Variants in POLD1 observed in about 807,000 individuals in gnomAD.
POLD1 encodes the protein DNA polymerase delta 1, catalytic subunit.
Under a neutral mutation model 129.7 loss-of-function variants are expected in POLD1, and 79 were observed. The observed-to-expected ratio is 0.61, with a 90% CI of 0.51 to 0.73. The LOEUF is 0.73. POLD1 is among the 30% of genes least tolerant of loss of function. POLD1 has a pLI of 0.00. For synonymous variants in POLD1, 714 were observed against 683.3 expected (o/e 1.04, Z -0.70); for missense variants, 1,338 against 1,595.8 (o/e 0.84, Z 2.75).
At chr19:50,391,799 G>C (rs976686066) in intron 1 of POLD1, among the ~76,000 whole-genome samples, 1 of 151,952 alleles carries the variant, frequency 6.6e-6, no homozygotes, top group Non-Finnish European at 1.5e-5. Context: ...TGCAACCTCC[G>C]CCTCCCAGGT....
At chr19:50,391,807 GGTTCAA>G (rs1273881636) in intron 1 of POLD1, among the ~76,000 whole-genome samples, 1 of 152,138 alleles carries the variant, frequency 6.6e-6, no homozygotes, top group Admixed American at 6.6e-5. Context: ...CCGCCTCCCA[GGTTCAA>G]GCGATTCTCC....
chr19:50,414,671 G>A (rs1299516020), intron 19 of POLD1, 144 bp from the exon 20 acceptor site: 8 of 584,160 alleles, frequency 1.4e-5, no homozygotes, highest in Admixed American at 1.1e-4. Context: ...ACAGTGTCTC[G>A]GTCCATCCCA....
At chr19:50,394,183 A>G (rs1705280256) in intron 1 of POLD1, 1 of 152,086 alleles carries the variant, frequency 6.6e-6, no homozygotes, top group African/African-American at 2.4e-5. Flanking sequence ...TGTGACGGGG[A>G]AGAGGGTGGG....
chr19:50,401,385 ATATATATTTTT>A (rs1250813096), intron 3 of POLD1, among the ~76,000 whole-genome samples: 6 of 58,284 alleles, frequency 1.0e-4, no homozygotes, highest in African/African-American at 4.0e-4. Flanking sequence ...ATATATATAT[ATATATATTTTT>A]TTTTTTTTTT....
intron 3 of POLD1, 64 bp downstream of exon 3, chr19:50,399,548 G>A: frequency 7.9e-7 from 1 of 1,268,542 alleles, no homozygotes; most frequent in South Asian, 1.2e-5. Flanking sequence ...GCCGGGCCAG[G>A]TCAGCCCCTC....
In POLD1 at chr19:50,402,227, C is replaced by T. The variant is rs147881471; in HGVS notation, c.612C>T (p.His204=). 246 of 1,586,964 alleles carry T rather than the reference C, an allele frequency of 1.6e-4. No homozygotes were observed. In the African/African-American group the frequency reaches 2.4e-3, roughly 15 times the overall value. ...CAGGCATGTTTGGGTACCACGGGCA[C>T]GGCCCCTCCCCGTTCCTGCGCATCA... The part of the protein sequence containing the change: ...SRESMFGYHG[H]GPSPFLRITV... The change falls in exon 6 of 27, where the codon CAC becomes CAT. Residue 204 remains histidine, a synonymous_variant. Coordinates refer to ENST00000440232, the MANE Select transcript of POLD1 (RefSeq NM_002691.4).
intron 20 of POLD1, 32 bp from the exon 21 acceptor site, chr19:50,415,406 T>C (rs371031806): frequency 5.6e-6 from 9 of 1,595,292 alleles, no homozygotes; most frequent in Non-Finnish European, 7.7e-6. Context: ...TCAGTGCCTT[T>C]TGGTGACGCT....
chr19:50,387,173 A>G (rs2123705810), intron 1 of POLD1, among the ~76,000 whole-genome samples: 1 of 152,172 alleles, frequency 6.6e-6, no homozygotes, highest in African/African-American at 2.4e-5. Context: ...ATACACAACT[A>G]GCTGGACATG....
chr19:50,401,383 ATATATATATT>A (rs1366715254), intron 3 of POLD1, among the ~76,000 whole-genome samples: 2 of 58,134 alleles, frequency 3.4e-5, no homozygotes, highest in East Asian at 6.4e-4. Flanking sequence ...ATATATATAT[ATATATATATT>A]TTTTTTTTTT....
chr19:50,408,642 C>A (rs2038983301), intron 14 of POLD1, 143 bp from the exon 15 acceptor site: 3 of 1,277,310 alleles, frequency 2.3e-6, no homozygotes, highest in Non-Finnish European at 3.2e-6. Context: ...CTCAGCCTCC[C>A]AATGTGCTGG....
rs746579020 is a variant in POLD1, at chr19:50,414,988, C to T, written c.2562C>T (p.Asp854=). Residue 854 remains aspartate, a splice_region_variant and synonymous_variant, in exon 20 of 27, where the codon GAC becomes GAT. Transcript: ENST00000440232. ...CCTCACTGCGCCGCCTGCTCATCGA[C>T]CGGTGTGTGGGGCCTCCTCCCTCAG... ...VTASLRRLLI[D]RDPEGAVAHA... is the part of the protein sequence containing the mutation. 6.4e-6 allele frequency: 10 copies of T among 1,574,716 alleles called. No individual in the cohort carries two copies. Among genetic ancestry groups the T allele is most frequent in the Non-Finnish European group, 7.8e-6 (9 of 1,159,692 alleles).
In POLD1 at chr19:50,406,083, G is replaced by A. The variant is rs2122312203; in HGVS notation, c.1243-99G>A. On this transcript the variant is annotated intron_variant, in intron 10 of 26. Transcript: ENST00000440232. The surrounding 1 kb of genome is among the most constrained non-coding windows in gnomAD (Gnocchi z 5.5). ...CCCAGGGTTGCTCTCGACCCCCTAG[G>A]GTTGTTATAAGGATGTTGTGGTTGG... The A allele has an allele frequency of 6.9e-7, 1 of 1,452,924 alleles. No individual in the cohort carries two copies. The highest frequency in any genetic ancestry group is 9.4e-7 in the Non-Finnish European group (1 of 1,059,984). The allele number at this position is 1,452,924 out of a possible 1,614,324, so 90.0% of individuals were successfully genotyped here.
At chr19:50,407,993 G>T (rs968830647) in intron 14 of POLD1, among the ~76,000 whole-genome samples, 12 of 151,816 alleles carry the variant, frequency 7.9e-5, no homozygotes, top group African/African-American at 2.9e-4. Context: ...CGATGATTGC[G>T]CCACTGCCCT....
rs1157338252 is a variant in POLD1, at chr19:50,417,830, C to A, written c.3219-12C>A. 6.4e-7 allele frequency: 1 copy of A among 1,566,034 alleles called. No homozygotes were observed. Among genetic ancestry groups the A allele is most frequent in the Non-Finnish European group, 8.7e-7 (1 of 1,148,496 alleles). ...TGGCTGGTCCTGACCCTGCCCCTGCCCCCACCCGCAGCCGGGACTGCCCCA... is the reference window on the plus strand; with the variant it reads ...TGGCTGGTCCTGACCCTGCCCCTGCACCCACCCGCAGCCGGGACTGCCCCA... On this transcript the variant is annotated splice_polypyrimidine_tract_variant and intron_variant, in intron 26 of 26. Transcript: ENST00000440232.
In POLD1 at chr19:50,409,470, C is replaced by T. The variant is rs983037602; in HGVS notation, c.2007-49C>T. On this transcript the variant is annotated intron_variant, in intron 16 of 26. Coordinates refer to ENST00000440232, the MANE Select transcript of POLD1 (RefSeq NM_002691.4). This position sits in a 1 kb window ranked among gnomAD's most constrained non-coding sequence, Gnocchi z 5.8. The stretch of plus-strand genomic sequence containing the variant: ...ACTCACTTCCAGAAAGGAGCCCTGA[C>T]CAATGCCCAGGTGCCGCCTGAGTGT... 1.2e-6 allele frequency: 2 copies of T among 1,611,364 alleles called. No individual in the cohort carries two copies. Among genetic ancestry groups the T allele is most frequent in the African/African-American group, 1.3e-5 (1 of 75,054 alleles).
At chr19:50,398,570 C>CAAAAAAA (rs35689550) in intron 1 of POLD1, among the ~76,000 whole-genome samples, 5 of 64,198 alleles carry the variant, frequency 7.8e-5, no homozygotes, top group Admixed American at 2.4e-4. Flanking sequence ...AATTCCATCT[C>CAAAAAAA]AAAAAAAAAA....
rs182659142 is a variant in POLD1 at position 50,403,232 on chromosome 19, C to G, written c.1137+13C>G. On this transcript the variant is annotated intron_variant, in intron 9 of 26. Transcript: ENST00000440232. Reference sequence around the variant, plus strand: ...GGACCTGCTGCAGGTAGCTCTCGCTCCACGCCCCACACCATTTCCCGGGGT... The same window carrying G: ...GGACCTGCTGCAGGTAGCTCTCGCTGCACGCCCCACACCATTTCCCGGGGT... The G allele has an allele frequency of 6.5e-7, 1 of 1,538,450 alleles. No individual in the cohort carries two copies.
At chr19:50,416,823 G>C in intron 24 of POLD1, 100 bp downstream of exon 24, 1 of 1,041,844 alleles carries the variant, frequency 9.6e-7, no homozygotes. Flanking sequence ...CTGCCACCCA[G>C]TGGGCCCAGG....
At chr19:50,400,099 G>A (rs1001379806) in intron 3 of POLD1, among the ~76,000 whole-genome samples, 3 of 132,966 alleles carry the variant, frequency 2.3e-5, no homozygotes, top group African/African-American at 8.5e-5. Flanking sequence ...ACAGGTGTGA[G>A]CCATTGTGCC....
Sources: allele counts gnomAD v4.1 joint callset (sites outside exome capture counted in the v4.1 genomes callset), GRCh38; gene constraint gnomAD v4.1.1; non-coding constraint Gnocchi (gnomAD v3.1); transcripts MANE v1.5; gene names NCBI Gene and HGNC (gene_info 2026-07-23, HGNC 2026-07-21).